The following HIF1A variants were observed in gnomAD, a reference collection of about 807,000 sequenced individuals.
HIF1A encodes the protein hypoxia-inducible factor 1-alpha.
HIF1A carries 24 observed loss-of-function variants against 92.7 expected under a neutral mutation model. That is an observed-to-expected ratio of 0.26 (90% CI 0.19 to 0.36). The LOEUF (loss-of-function observed/expected upper bound fraction) is 0.36. Among genes scored for constraint, HIF1A ranks in the 10% least tolerant of loss-of-function variants. HIF1A has a pLI of 1.00. For synonymous variants in HIF1A, 319 were observed against 338.7 expected, an observed-to-expected ratio of 0.94 and a Z score of 0.64; for missense variants, 799 against 998.5, an observed-to-expected ratio of 0.80 and a Z score of 2.69.
intron 7 of HIF1A, 125 bp from the exon 8 acceptor site, chr14:61,734,013 A>C (rs970696138): frequency 1.1e-5 from 7 of 638,490 alleles, no homozygotes; most frequent in African/African-American, 1.9e-5. Flanking sequence ...AGCAGTTACA[A>C]CTGATTCCAC....
intron 6 of HIF1A, among the ~76,000 whole-genome samples, chr14:61,729,009 C>A (rs1243306963): frequency 6.6e-6 from 1 of 152,152 alleles, no homozygotes; most frequent in Non-Finnish European, 1.5e-5. Flanking sequence ...ACAATACAAT[C>A]TAAACTTAGC....
At position 61,726,223 on chromosome 14, in the gene HIF1A, G is replaced by GA. The variant is rs113638804; in HGVS notation, c.458-476dup. Among the ~76,000 whole-genome samples, 897 of 151,710 alleles carry GA rather than the reference G, an allele frequency of 5.9e-3. 13 individuals are homozygous for GA. Among genetic ancestry groups the GA allele is most frequent in the African/African-American group, 0.02 (838 of 41,384 alleles). On this transcript the variant is annotated intron_variant, in intron 4 of 14. Coordinates refer to ENST00000337138, the MANE Select transcript of HIF1A (RefSeq NM_001530.4). Reference sequence around the variant, plus strand: ...CCTGCTTTACTAGATAAATTAAGGGGAAAAAAATAAGATACGTAAAAATGT... The same window carrying GA: ...CCTGCTTTACTAGATAAATTAAGGGGAAAAAAAATAAGATACGTAAAAATGT...
intron 1 of HIF1A, among the ~76,000 whole-genome samples, chr14:61,715,045 A>G (rs967599933): frequency 3.9e-5 from 6 of 152,196 alleles, no homozygotes; most frequent in African/African-American, 1.2e-4. Flanking sequence ...AGGAAAAAAA[A>G]AAACAGTTTC....
chr14:61,721,270 A>T (rs955882821), intron 2 of HIF1A, among the ~76,000 whole-genome samples: 1 of 152,070 alleles, frequency 6.6e-6, no homozygotes, highest in Non-Finnish European at 1.5e-5. Flanking sequence ...AATAAATAAA[A>T]AACATTACTC....
At chr14:61,735,953 A>G (rs2044631310) in intron 8 of HIF1A, among the ~76,000 whole-genome samples, 1 of 151,140 alleles carries the variant, frequency 6.6e-6, no homozygotes, top group Non-Finnish European at 1.5e-5. Context: ...TTGCCTTGCC[A>G]TTACTACTCT....
At chr14:61,722,655 A>G (rs773443985) in intron 4 of HIF1A, among the ~76,000 whole-genome samples, 2 of 152,244 alleles carry the variant, frequency 1.3e-5, no homozygotes, top group African/African-American at 2.4e-5. Flanking sequence ...CCCAATAAAA[A>G]AAGTTCACCA....
At chr14:61,699,126 G>C (rs1327104646) in intron 1 of HIF1A, among the ~76,000 whole-genome samples, 1 of 152,180 alleles carries the variant, frequency 6.6e-6, no homozygotes, top group Non-Finnish European at 1.5e-5. Context: ...CTGAAGGCAA[G>C]ACTTCAAGCT....
At chr14:61,723,580 T>C (rs1346442687) in intron 4 of HIF1A, among the ~76,000 whole-genome samples, 1 of 152,240 alleles carries the variant, frequency 6.6e-6, no homozygotes, top group African/African-American at 2.4e-5. Context: ...TGCATACTTT[T>C]TAGAATTCTG....
chr14:61,741,334 A>G (rs2044708977), intron 12 of HIF1A, 146 bp downstream of exon 12: 1 of 552,366 alleles, frequency 1.8e-6, no homozygotes, highest in Non-Finnish European at 3.1e-6. Context: ...AACTTTCTAA[A>G]TTAACCTCAT....
chr14:61,745,787 G>C lies in HIF1A; in HGVS notation c.2299G>C (p.Glu767Gln). 1 of 1,612,254 alleles carries C rather than the reference G, an allele frequency of 6.2e-7. No individual in the cohort carries two copies. The highest frequency in any genetic ancestry group is 8.5e-7 in the Non-Finnish European group (1 of 1,178,640). Residue 767 changes from glutamate (E) to glutamine (Q), a missense_variant, in exon 14 of 15, where the codon GAG becomes CAG. By Grantham distance (29) the Glu-to-Gln change is conservative. Transcript: ENST00000337138. Reference protein sequence around the residue: ...GCKSSEQNGMEQKTIILIPSD... With the variant: ...GCKSSEQNGMQQKTIILIPSD... ...CAAATCTAGTGAACAGAATGGAATGGAGCAAAAGACAATTATTTTAATACC... is the reference window on the plus strand; with the variant it reads ...CAAATCTAGTGAACAGAATGGAATGCAGCAAAAGACAATTATTTTAATACC...
chr14:61,695,727 T>G lies in HIF1A; in HGVS notation c.-78T>G. ...CTTGCCTTTCCTTCTCTTCTCCGCGTGTGGAGGGAGCCAGCGCTTAGGCCG... is the reference window on the plus strand; with the variant it reads ...CTTGCCTTTCCTTCTCTTCTCCGCGGGTGGAGGGAGCCAGCGCTTAGGCCG... On this transcript the variant is annotated 5_prime_UTR_variant, in exon 1 of 15. Transcript: ENST00000337138. The G allele has an allele frequency of 6.8e-7, 1 of 1,466,468 alleles. No individual in the cohort carries two copies. Among genetic ancestry groups the G allele is most frequent in the Non-Finnish European group, 9.3e-7 (1 of 1,072,308 alleles). 90.8% of individuals were successfully genotyped at this position (1,466,468 alleles called of 1,614,324 possible).
intron 13 of HIF1A, 26 bp from the exon 14 acceptor site, chr14:61,745,665 A>G (rs764799195): frequency 4.4e-6 from 7 of 1,593,954 alleles, no homozygotes; most frequent in Non-Finnish European, 6.0e-6. Context: ...AACAAACTAA[A>G]CTTGAAATAA....
Position 61,740,566 on chromosome 14 carries a change from T to C in HIF1A, c.1598T>C (p.Leu533Ser), listed in dbSNP as rs1443027007. The change falls in exon 11 of 15, where the codon TTG becomes TCG. Residue 533 changes from leucine to serine, a missense_variant. Coordinates refer to ENST00000337138, the MANE Select transcript of HIF1A (RefSeq NM_001530.4). ...AGTGATATGGTCAATGAATTCAAGT[T>C]GGAATTGGTAGAAAAACTTTTTGCT... ...VDSDMVNEFK[L>S]ELVEKLFAED... 2.5e-6 allele frequency: 4 copies of C among 1,607,420 alleles called. No individual in the cohort carries two copies. The South Asian group carries it at 3.3e-5, about 13-fold the overall frequency.
At chr14:61,711,591 A>C (rs1380142783) in intron 1 of HIF1A, among the ~76,000 whole-genome samples, 1 of 152,146 alleles carries the variant, frequency 6.6e-6, no homozygotes, top group African/African-American at 2.4e-5. Context: ...GCCTTGGTTT[A>C]TGGTGATACT....
At chr14:61,736,079 A>G (rs2044633738) in intron 8 of HIF1A, among the ~76,000 whole-genome samples, 1 of 151,140 alleles carries the variant, frequency 6.6e-6, no homozygotes, top group South Asian at 2.1e-4. Context: ...CCCGAGCTCA[A>G]GTGATTCTCA....
chr14:61,746,795 A>T, intron 14 of HIF1A, 139 bp from the exon 15 acceptor site: 2 of 591,758 alleles, frequency 3.4e-6, no homozygotes, highest in Non-Finnish European at 5.9e-6. Context: ...TTTTTAACAT[A>T]GTTGTGGTTT....
At chr14:61,736,694 TG>T (rs1354562216) in intron 8 of HIF1A, among the ~76,000 whole-genome samples, 194 bp from the exon 9 acceptor site, 1 of 152,222 alleles carries the variant, frequency 6.6e-6, no homozygotes, top group African/African-American at 2.4e-5. Flanking sequence ...TGGATTTTAT[TG>T]GGTCTTTATT....
intron 11 of HIF1A, 25 bp from the exon 12 acceptor site, chr14:61,740,730 A>C (rs1271795741): frequency 1.3e-6 from 2 of 1,582,418 alleles, no homozygotes; most frequent in Non-Finnish European, 8.6e-7. Flanking sequence ...CCATTGTAAA[A>C]ACTCATGTAT....
At chr14:61,701,369 A>G (rs2044173856) in intron 1 of HIF1A, among the ~76,000 whole-genome samples, 1 of 152,210 alleles carries the variant, frequency 6.6e-6, no homozygotes, top group South Asian at 2.1e-4. Context: ...TTGAAAAGTC[A>G]CAATATATTT....
Sources: gnomAD v4.1 joint callset for allele counts (sites outside exome capture counted in the v4.1 genomes callset) on GRCh38, gnomAD v4.1.1 for gene constraint, MANE v1.5 for transcripts, NCBI Gene and HGNC (gene_info 2026-07-23, HGNC 2026-07-21) for gene names.